Variants in ANO4 observed in about 807,000 individuals in gnomAD.
The protein encoded by ANO4 is anoctamin-4.
Under a neutral mutation model 141.9 loss-of-function variants are expected in ANO4, and 69 were observed. The ratio of observed to expected loss-of-function variants is 0.49; its 90% CI spans 0.40 to 0.59. The LOEUF (loss-of-function observed/expected upper bound fraction) is 0.59, where lower values mean the gene tolerates loss of function less well. ANO4 is among the 20% of genes least tolerant of loss of function. The pLI is 0.00. For synonymous variants in ANO4, 350 were observed against 394.3 expected, an observed-to-expected ratio of 0.89 and a Z score of 1.33; for missense variants, 894 against 1,162.2, an observed-to-expected ratio of 0.77 and a Z score of 3.36.
chr12:100,853,176 A>G (rs1199191575), intron 1 of ANO4, among the ~76,000 whole-genome samples: 2 of 152,140 alleles, frequency 1.3e-5, no homozygotes, highest in African/African-American at 4.8e-5. Flanking sequence ...GAGGTTGTTT[A>G]TATTTTCTAG....
intron 5 of ANO4, among the ~76,000 whole-genome samples, chr12:100,959,893 C>A (rs2043336713): frequency 6.6e-6 from 1 of 152,158 alleles, no homozygotes; most frequent in Non-Finnish European, 1.5e-5. Context: ...TTCTGCCTGT[C>A]ACTCGAGGCT....
intron 8 of ANO4, among the ~76,000 whole-genome samples, chr12:100,990,401 G>A (rs2045039130): frequency 6.6e-6 from 1 of 152,116 alleles, no homozygotes; most frequent in Admixed American, 6.5e-5. Flanking sequence ...AGAATTTCTA[G>A]GGACTAGAAC....
Position 101,037,083 on chromosome 12 carries a change from T to G in ANO4, c.842-12T>G, listed in dbSNP as rs1197277128. The G allele has an allele frequency of 5.0e-6, 8 of 1,613,314 alleles. No individual in the cohort carries two copies. Among genetic ancestry groups the G allele is most frequent in the African/African-American group, 1.3e-5 (1 of 74,894 alleles). ...TCTGTATTAATTCAAATGGACTTAT[T>G]TGCTGTTTTAGGTCTGAATCGTTTG... On this transcript the variant is annotated splice_polypyrimidine_tract_variant and intron_variant, in intron 9 of 27. Transcript: ENST00000392977.
At chr12:100,822,963 C>A (rs965096910) in intron 1 of ANO4, among the ~76,000 whole-genome samples, 1 of 151,942 alleles carries the variant, frequency 6.6e-6, no homozygotes, top group Non-Finnish European at 1.5e-5. Context: ...TCTTTTCCTT[C>A]TCTTTCTGCA....
At chr12:101,054,713 A>G (rs189018697) in intron 14 of ANO4, among the ~76,000 whole-genome samples, 245 of 152,232 alleles carry the variant, frequency 1.6e-3, no homozygotes, top group East Asian at 3.7e-3. Context: ...TGTTAGCCAG[A>G]ATGGTCTGGA....
rs1592725205 is a variant in ANO4 at position 100,922,670 on chromosome 12, G to T, written c.160+340G>T. ...ATCATAATCAAAGAAAAACCTTTAA[G>T]AAAACAAAATACAATTCCTCTGCTC... On this transcript the variant is annotated intron_variant, in intron 3 of 27. Coordinates refer to ENST00000392977, the MANE Select transcript of ANO4 (RefSeq NM_001286615.2). Among the ~76,000 whole-genome samples, 7 of 152,082 alleles carry T rather than the reference G, an allele frequency of 4.6e-5. 1 individual carries two copies. Among genetic ancestry groups the T allele is most frequent in the Admixed American group, 4.6e-4 (7 of 15,250 alleles).
chr12:100,805,375 C>T (rs565723925), intron 1 of ANO4, among the ~76,000 whole-genome samples: 22 of 151,984 alleles, frequency 1.4e-4, no homozygotes, highest in Admixed American at 3.3e-4. Flanking sequence ...GTTTGAAGTC[C>T]GGTAGTGTGA....
rs537164047 is a variant in ANO4 at position 100,777,518 on chromosome 12, T to G, written c.358+37413T>G. Among the ~76,000 whole-genome samples, 12 of 152,156 alleles carry G rather than the reference T, an allele frequency of 7.9e-5. No homozygotes were observed. In the East Asian group the frequency reaches 2.1e-3, roughly 27 times the overall value. ...GGAGGCAGCCCTTAGAAACTCCCCT[T>G]GGCTGGGAGACACAGCCCGAAGATT... is the stretch of plus-strand genomic sequence containing the variant. On this transcript the variant is annotated intron_variant, in intron 3 of 29. Transcript: ENST00000644049.
chr12:101,024,691 A>T (rs2046663961), intron 9 of ANO4, among the ~76,000 whole-genome samples: 1 of 152,182 alleles, frequency 6.6e-6, no homozygotes, highest in Admixed American at 6.5e-5. Context: ...TTGATGAGAT[A>T]TGTAGAATTC....
intron 3 of ANO4, among the ~76,000 whole-genome samples, chr12:100,936,454 C>T (rs1371878705): frequency 6.6e-6 from 1 of 152,164 alleles, no homozygotes; most frequent in Non-Finnish European, 1.5e-5. Flanking sequence ...AAACTGGTCC[C>T]AGTTGAGAAC....
chr12:100,732,419 A>G (rs1175312888), intron 1 of ANO4, among the ~76,000 whole-genome samples: 1 of 151,834 alleles, frequency 6.6e-6, no homozygotes, highest in Non-Finnish European at 1.5e-5. Flanking sequence ...AAGTCAGCTT[A>G]TTTGTTTTCT....
At chr12:100,849,642 C>G (rs2037764178) in intron 1 of ANO4, among the ~76,000 whole-genome samples, 1 of 152,066 alleles carries the variant, frequency 6.6e-6, no homozygotes, top group South Asian at 2.1e-4. Flanking sequence ...TTTTACTAGT[C>G]CATTATTGAT....
intron 1 of ANO4, among the ~76,000 whole-genome samples, chr12:100,846,417 A>G (rs986696923): frequency 9.2e-5 from 14 of 152,254 alleles, no homozygotes; most frequent in African/African-American, 3.4e-4. Flanking sequence ...TTAATAAAAT[A>G]TCACTCAATA....
At chr12:100,780,237 T>C (rs1247659769) in intron 3 of ANO4, among the ~76,000 whole-genome samples, 1 of 152,082 alleles carries the variant, frequency 6.6e-6, no homozygotes, top group Non-Finnish European at 1.5e-5. Context: ...AACCCCCAAA[T>C]TGAGGCTTAG....
chr12:100,890,162 A>G (rs1018114504), intron 1 of ANO4, among the ~76,000 whole-genome samples: 1 of 152,106 alleles, frequency 6.6e-6, no homozygotes, highest in East Asian at 1.9e-4. Flanking sequence ...CCTTATTATG[A>G]ATATTTGAAG....
intron 3 of ANO4, among the ~76,000 whole-genome samples, chr12:100,760,869 G>A (rs76218889): frequency 0.013 from 1,911 of 152,232 alleles, 25 homozygotes; most frequent in African/African-American, 0.043. Flanking sequence ...TTTGGATAGC[G>A]AAGTCAAGGT....
At chr12:101,040,103 A>G in intron 11 of ANO4, 27 bp downstream of exon 11, 1 of 1,593,716 alleles carries the variant, frequency 6.3e-7, no homozygotes, top group East Asian at 2.2e-5. Flanking sequence ...CTGCAAATAT[A>G]AAGCTTGCAC....
At chr12:100,804,435 A>G (rs2034880395) in intron 1 of ANO4, among the ~76,000 whole-genome samples, 1 of 152,238 alleles carries the variant, frequency 6.6e-6, no homozygotes, top group Non-Finnish European at 1.5e-5. Context: ...TCTTTATAAT[A>G]AAATGATTTA....
Position 101,128,570 on chromosome 12 carries a change from A to G in ANO4, c.*714A>G, listed in dbSNP as rs1055440377. The G allele has an allele frequency of 5.2e-5, 8 of 152,690 alleles. No homozygotes were observed. The highest frequency in any genetic ancestry group is 7.2e-5 in the African/African-American group (3 of 41,478). The allele number at this position is 152,690 out of a possible 1,614,324, so 9.5% of individuals were successfully genotyped here. ...TTTAAATAGTCATCAATATGAAGCC[A>G]TGATTAATGCTTGTATAATGTGATG... On this transcript the variant is annotated 3_prime_UTR_variant, in exon 28 of 28. Transcript: ENST00000392977.
Sources: gnomAD v4.1 joint callset for allele counts (sites outside exome capture counted in the v4.1 genomes callset) on GRCh38, gnomAD v4.1.1 for gene constraint, MANE v1.5 for transcripts, NCBI Gene and HGNC (gene_info 2026-07-23, HGNC 2026-07-21) for gene names.